DRC1: variants seen among roughly 807,000 people sequenced by gnomAD.
DRC1 encodes dynein regulatory complex subunit 1, also known as dynein regulatory complex protein 1.
In DRC1, 74 loss-of-function variants were observed where a neutral mutation model predicts 98.7. The observed-to-expected ratio is 0.75, with a 90% CI of 0.62 to 0.91. The LOEUF (loss-of-function observed/expected upper bound fraction) is 0.91. Ranked by LOEUF, DRC1 falls within the 40% of genes least tolerant of loss-of-function variation. DRC1 has a pLI of 0.00. For missense variants in DRC1, 875 were observed against 886.0 expected, an observed-to-expected ratio of 0.99 and a Z score of 0.16; for synonymous variants, 336 against 334.1, an observed-to-expected ratio of 1.01 and a Z score of -0.06.
chr2:26,410,354 C>A (rs1678566555), intron 1 of DRC1, among the ~76,000 whole-genome samples: 1 of 151,272 alleles, frequency 6.6e-6, no homozygotes, highest in Non-Finnish European at 1.5e-5. Context: ...TCACTGCAAC[C>A]TCTGCCTCCT....
At chr2:26,440,275 C>G in intron 7 of DRC1, 103 bp from the exon 8 acceptor site, 1 of 1,302,112 alleles carries the variant, frequency 7.7e-7, no homozygotes, top group Non-Finnish European at 9.8e-7. Context: ...TTTAAATACT[C>G]TAGTGTATAT....
intron 1 of DRC1, among the ~76,000 whole-genome samples, chr2:26,403,227 A>C (rs964334584): frequency 2.6e-5 from 4 of 152,176 alleles, no homozygotes; most frequent in African/African-American, 9.7e-5. Flanking sequence ...TACTGTCAAC[A>C]TCCTGCACTG....
chr2:26,451,130 A>G (rs891498926), intron 13 of DRC1, among the ~76,000 whole-genome samples: 14 of 152,188 alleles, frequency 9.2e-5, no homozygotes, highest in African/African-American at 3.1e-4. Context: ...TATGTCAGGT[A>G]TAGCTAACTT....
chr2:26,449,928 G>T, intron 11 of DRC1, 68 bp from the exon 12 acceptor site: 1 of 1,432,022 alleles, frequency 7.0e-7, no homozygotes, highest in Admixed American at 1.8e-5. Context: ...ACAGGGGGCA[G>T]CTGCAGACCC....
Position 26,456,449 on chromosome 2 carries a change from T to A in DRC1, c.2167-12T>A. 1 of 1,614,076 alleles carries A rather than the reference T, an allele frequency of 6.2e-7. No homozygotes were observed. Among genetic ancestry groups the A allele is most frequent in the Non-Finnish European group, 8.5e-7 (1 of 1,179,950 alleles). On this transcript the variant is annotated splice_polypyrimidine_tract_variant and intron_variant, in intron 16 of 16. Transcript: ENST00000288710. ...GGGAAAAATGTAACGACTTTCACCC[T>A]TTCTTTTCCAGATCAACTCTGAACT... is the stretch of plus-strand genomic sequence containing the variant.
At chr2:26,452,386 G>A (rs545545990) in intron 13 of DRC1, among the ~76,000 whole-genome samples, 1 of 152,256 alleles carries the variant, frequency 6.6e-6, no homozygotes, top group South Asian at 2.1e-4. Flanking sequence ...CTCCTGAGTA[G>A]CTGGGATTGA....
At chr2:26,408,900 C>T (rs1344220747) in intron 1 of DRC1, among the ~76,000 whole-genome samples, 4 of 152,058 alleles carry the variant, frequency 2.6e-5, no homozygotes, top group Non-Finnish European at 4.4e-5. Context: ...TCACAGCTCC[C>T]GTCAGCTTTA....
At chr2:26,407,328 A>C (rs879880035) in intron 1 of DRC1, among the ~76,000 whole-genome samples, 1 of 152,170 alleles carries the variant, frequency 6.6e-6, no homozygotes. Context: ...AGCAGATTCA[A>C]GAAGATGGAA....
rs1182089787 is a variant in DRC1, at chr2:26,424,300, C to G, written c.386C>G (p.Thr129Ser). The G allele has an allele frequency of 6.2e-7, 1 of 1,613,730 alleles. No homozygotes were observed. The highest frequency in any genetic ancestry group is 1.3e-5 in the African/African-American group (1 of 74,776). The change falls in exon 4 of 17, where the codon ACC becomes AGC. Residue 129 changes from threonine (T) to serine (S), a missense_variant. Transcript: ENST00000288710. ...GAGAAGCTGGAGAATGAAGTTAAGA[C>G]CAGCCAGGACAAATTCGATGAAATC... Reference protein sequence around the residue: ...RIEKLENEVKTSQDKFDEITS... With the variant: ...RIEKLENEVKSSQDKFDEITS...
At chr2:26,410,036 A>G (rs1383326613) in intron 1 of DRC1, among the ~76,000 whole-genome samples, 1 of 151,894 alleles carries the variant, frequency 6.6e-6, no homozygotes, top group Admixed American at 6.6e-5. Flanking sequence ...AGAGGGAAAA[A>G]AAAGATCCTC....
At chr2:26,441,716 G>A (rs1241517196) in intron 8 of DRC1, among the ~76,000 whole-genome samples, 1 of 152,026 alleles carries the variant, frequency 6.6e-6, no homozygotes, top group African/African-American at 2.4e-5. Context: ...GAAGAGAATG[G>A]GTAAGGTAGG....
At chr2:26,424,546 AGAAACCTT>A in intron 4 of DRC1, 92 bp downstream of exon 4, 3 of 1,313,914 alleles carry the variant, frequency 2.3e-6, no homozygotes, top group Non-Finnish European at 3.1e-6. Context: ...GGAAAAATGT[AGAAACCTT>A]TTACTTCATT....
intron 2 of DRC1, among the ~76,000 whole-genome samples, chr2:26,418,656 T>TA (rs1491310092): frequency 1.1e-5 from 1 of 89,950 alleles, no homozygotes; most frequent in African/African-American, 4.5e-5. Context: ...ATATATAAAT[T>TA]ATATATTATA....
In DRC1 at chr2:26,454,521, C is replaced by T; in HGVS notation, c.1920-126C>T. The T allele has an allele frequency of 7.2e-7, 1 of 1,381,380 alleles. No individual in the cohort carries two copies. The highest frequency in any genetic ancestry group is 1.4e-5 in the South Asian group (1 of 73,584). 85.6% of individuals were successfully genotyped at this position (1,381,380 alleles called of 1,614,324 possible). On this transcript the variant is annotated intron_variant, in intron 14 of 16. Coordinates refer to ENST00000288710, the MANE Select transcript of DRC1 (RefSeq NM_145038.5). The surrounding 1 kb of genome is among the most constrained non-coding windows in gnomAD (Gnocchi z 5.2). ...GTCCTTTCTGAGAACCTGCCACCGTCTAATAAACTTGGACTGCTGAGTGGG... is the reference window on the plus strand; with the variant it reads ...GTCCTTTCTGAGAACCTGCCACCGTTTAATAAACTTGGACTGCTGAGTGGG...
intron 4 of DRC1, 78 bp downstream of exon 4, chr2:26,424,532 G>A: frequency 7.0e-7 from 1 of 1,430,028 alleles, no homozygotes; most frequent in Non-Finnish European, 9.5e-7. Context: ...TGCTTTTCCT[G>A]AATGGAAAAA....
chr2:26,437,651 A>G (rs192148888), intron 7 of DRC1, among the ~76,000 whole-genome samples: 2 of 152,336 alleles, frequency 1.3e-5, no homozygotes, highest in African/African-American at 2.4e-5. Flanking sequence ...TAAGAGTTGT[A>G]TATATAATTT....
intron 1 of DRC1, among the ~76,000 whole-genome samples, chr2:26,404,032 G>A (rs372261385): frequency 2.8e-4 from 42 of 150,400 alleles, no homozygotes; most frequent in African/African-American, 9.3e-4. Context: ...CCCAGGAGGC[G>A]GAGGTTGCAG....
intron 8 of DRC1, among the ~76,000 whole-genome samples, chr2:26,441,930 T>G (rs1663729341): frequency 6.6e-6 from 1 of 152,208 alleles, no homozygotes; most frequent in African/African-American, 2.4e-5. Flanking sequence ...CACCCAGCAT[T>G]TCACAATTTG....
chr2:26,440,289 A>G, intron 7 of DRC1, 89 bp from the exon 8 acceptor site: 2 of 1,378,968 alleles, frequency 1.5e-6, no homozygotes, highest in South Asian at 2.0e-5. Context: ...TGTATATAAT[A>G]CTAAGGATGC....
Sources: allele counts gnomAD v4.1 joint callset (sites outside exome capture counted in the v4.1 genomes callset), GRCh38; gene constraint gnomAD v4.1.1; non-coding constraint Gnocchi (gnomAD v3.1); transcripts MANE v1.5; gene names NCBI Gene and HGNC (gene_info 2026-07-23, HGNC 2026-07-21).